The following QTMAN variants were observed in gnomAD, a reference collection of about 807,000 sequenced individuals.
The protein encoded by QTMAN is queuosine-tRNA mannosyltransferase, also known as tRNA-queuosine alpha-mannosyltransferase.
the QTMAN span, among the ~76,000 whole-genome samples, chr2:144,198,631 A>G: frequency 6.6e-6 from 1 of 152,010 alleles, no homozygotes; most frequent in African/African-American, 2.4e-5. Flanking sequence ...CCACCCTAAA[A>G]CTTTCAGTTA....
At chr2:144,106,062 T>C in the QTMAN span, among the ~76,000 whole-genome samples, 2 of 152,136 alleles carry the variant, frequency 1.3e-5, no homozygotes, top group South Asian at 4.1e-4. Context: ...TGCTGAGAGA[T>C]TTTGTCACCA....
At chr2:144,177,177 G>A in the QTMAN span, 1 of 701,882 alleles carries the variant, frequency 1.4e-6, no homozygotes, top group South Asian at 1.5e-5. Flanking sequence ...ATTTGGGCAA[G>A]GCATAAATCC....
the QTMAN span, among the ~76,000 whole-genome samples, chr2:144,293,658 T>C: frequency 6.6e-6 from 1 of 152,220 alleles, no homozygotes; most frequent in Middle Eastern, 3.2e-3. Flanking sequence ...GCTGTGGGGA[T>C]ATCATCTCTC....
the QTMAN span, among the ~76,000 whole-genome samples, chr2:144,190,911 C>T: frequency 6.6e-6 from 1 of 152,160 alleles, no homozygotes; most frequent in Non-Finnish European, 1.5e-5. Flanking sequence ...AGCTAGACCC[C>T]CATTATAAAA....
At chr2:144,193,218 T>C in the QTMAN span, among the ~76,000 whole-genome samples, 1 of 152,010 alleles carries the variant, frequency 6.6e-6, no homozygotes, top group East Asian at 1.9e-4. Context: ...TTTTTCATAC[T>C]GATAATTCTT....
At chr2:144,238,392 G>A in the QTMAN span, among the ~76,000 whole-genome samples, 1 of 152,162 alleles carries the variant, frequency 6.6e-6, no homozygotes, top group Non-Finnish European at 1.5e-5. Context: ...GTATCATGGG[G>A]TGTTTCTCAT....
chr2:144,249,077 G>C, the QTMAN span, among the ~76,000 whole-genome samples: 1 of 152,148 alleles, frequency 6.6e-6, no homozygotes, highest in East Asian at 1.9e-4. Context: ...TGTGAGTGTA[G>C]GATTTCCAAA....
At chr2:144,237,405 C>T in the QTMAN span, 3 of 152,182 alleles carry the variant, frequency 2.0e-5, no homozygotes, top group South Asian at 6.2e-4. Flanking sequence ...CTCATTATCT[C>T]TACACTTCAA....
At chr2:144,069,533 T>A in the QTMAN span, among the ~76,000 whole-genome samples, 1 of 152,006 alleles carries the variant, frequency 6.6e-6, no homozygotes. Context: ...TATCCATGAG[T>A]GATCACATAA....
At chr2:144,247,479 A>G in the QTMAN span, among the ~76,000 whole-genome samples, 3 of 152,202 alleles carry the variant, frequency 2.0e-5, no homozygotes, top group African/African-American at 7.2e-5. Context: ...GAATCTAACT[A>G]TACTGGGAAT....
At chr2:144,303,507 C>T in the QTMAN span, among the ~76,000 whole-genome samples, 30 of 152,082 alleles carry the variant, frequency 2.0e-4, 1 homozygote, top group South Asian at 6.2e-3. Flanking sequence ...TTTCAAAAGT[C>T]TAAAGCACAT....
the QTMAN span, among the ~76,000 whole-genome samples, chr2:144,245,430 A>T: frequency 6.6e-6 from 1 of 152,222 alleles, no homozygotes; most frequent in Non-Finnish European, 1.5e-5. Flanking sequence ...CATTGTTTTC[A>T]AACAATAATG....
the QTMAN span, among the ~76,000 whole-genome samples, chr2:144,036,326 C>T: frequency 6.6e-6 from 1 of 152,144 alleles, no homozygotes; most frequent in Non-Finnish European, 1.5e-5. Flanking sequence ...ATAATTATTA[C>T]ATATGTAGAG....
At chr2:144,226,124 A>T in the QTMAN span, among the ~76,000 whole-genome samples, 1 of 152,214 alleles carries the variant, frequency 6.6e-6, no homozygotes. Context: ...CTTCAAATAA[A>T]TCCTAAATCA....
At chr2:144,037,857 A>T in the QTMAN span, among the ~76,000 whole-genome samples, 6 of 152,230 alleles carry the variant, frequency 3.9e-5, no homozygotes, top group South Asian at 1.2e-3. Context: ...CGATCTCATT[A>T]AAACTCTTTT....
chr2:144,286,037 T>G, the QTMAN span, among the ~76,000 whole-genome samples: 1 of 152,184 alleles, frequency 6.6e-6, no homozygotes, highest in Admixed American at 6.5e-5. Flanking sequence ...AATACAGGTC[T>G]TCGCAGCTTC....
chr2:144,032,231 T>C, the QTMAN span, among the ~76,000 whole-genome samples: 1 of 152,194 alleles, frequency 6.6e-6, no homozygotes. Context: ...GGTAAGCTAC[T>C]TAACTTCCCC....
At chr2:143,970,619 T>A in the QTMAN span, 6 of 1,070,538 alleles carry the variant, frequency 5.6e-6, no homozygotes, top group South Asian at 6.3e-5. Context: ...ATGTCATCTA[T>A]AAAAATACAC....
chr2:144,028,201 C>T, the QTMAN span, among the ~76,000 whole-genome samples: 2 of 152,070 alleles, frequency 1.3e-5, no homozygotes, highest in African/African-American at 4.8e-5. Flanking sequence ...TGGCATGATC[C>T]TTTCTAAAAA....
Sources: gnomAD v4.1 joint callset for allele counts (sites outside exome capture counted in the v4.1 genomes callset) on GRCh38, gnomAD v4.1.1 for gene constraint, MANE v1.5 for transcripts, NCBI Gene and HGNC (gene_info 2026-07-23, HGNC 2026-07-21) for gene names.